Variants in MAPK6 observed in about 807,000 individuals in gnomAD.
MAPK6 encodes mitogen-activated protein kinase 6.
Under a neutral mutation model 59.3 loss-of-function variants are expected in MAPK6, and 19 were observed. That is an observed-to-expected ratio of 0.32 (90% CI 0.22 to 0.47). The LOEUF (loss-of-function observed/expected upper bound fraction) is 0.47. Among genes scored for constraint, MAPK6 ranks in the 20% least tolerant of loss-of-function variants. The pLI is 1.00. For synonymous variants in MAPK6, 316 were observed against 290.3 expected (o/e 1.09, Z -0.90); for missense variants, 724 against 847.9 (o/e 0.85, Z 1.81).
intron 1 of MAPK6, among the ~76,000 whole-genome samples, chr15:51,975,913 G>A (rs755553211): frequency 3.3e-5 from 5 of 151,790 alleles, no homozygotes; most frequent in African/African-American, 4.8e-5. Flanking sequence ...ACTGAATTAG[G>A]GTCCCACAAT....
chr15:52,058,573 T>C, intron 3 of MAPK6, 60 bp from the exon 4 acceptor site: 1 of 1,391,302 alleles, frequency 7.2e-7, no homozygotes, highest in Non-Finnish European at 9.7e-7. Flanking sequence ...GTTTAGTATG[T>C]TTATTGTGAA....
At chr15:51,983,157 T>C (rs536969397) in intron 1 of MAPK6, among the ~76,000 whole-genome samples, 1 of 152,170 alleles carries the variant, frequency 6.6e-6, no homozygotes, top group African/African-American at 2.4e-5. Flanking sequence ...CCCAGGGTCA[T>C]AAATTTCTAT....
rs2032345196 is a variant in MAPK6, at chr15:52,064,743, G to T, written c.1909G>T (p.Glu637Ter). 3 of 1,611,852 alleles carry T rather than the reference G, an allele frequency of 1.9e-6. No homozygotes were observed. The East Asian group carries it at 6.7e-5, about 36-fold the overall frequency. ...SYLDKFFSRK[E>*]DTEMLETEPV... is the part of the protein sequence containing the mutation. ...CTTGGACAAGTTCTTTAGCAGGAAA[G>T]AAGATACTGAAATGCTAGAAACTGA... The change falls in exon 6 of 6, where the codon GAA becomes TAA. Residue 637 changes from glutamate to a stop codon, truncating the protein, a stop_gained. Coordinates refer to ENST00000261845, the MANE Select transcript of MAPK6 (RefSeq NM_002748.4). LOFTEE classifies it high-confidence loss of function.
intron 1 of MAPK6, among the ~76,000 whole-genome samples, chr15:52,033,531 C>G (rs1001017140): frequency 6.6e-6 from 1 of 152,256 alleles, no homozygotes; most frequent in South Asian, 2.1e-4. Context: ...AGTGGTCTGT[C>G]GGGGGTTCTC....
intron 3 of MAPK6, among the ~76,000 whole-genome samples, chr15:52,055,776 A>G (rs1231414132): frequency 6.6e-6 from 1 of 152,108 alleles, no homozygotes; most frequent in Non-Finnish European, 1.5e-5. Context: ...CAGCCTTCCA[A>G]AGTGCTGGGA....
upstream of MAPK6, among the ~76,000 whole-genome samples, chr15:52,016,072 A>ACACACG (rs2030251659): frequency 1.6e-5 from 1 of 62,046 alleles, no homozygotes; most frequent in Non-Finnish European, 3.4e-5. Flanking sequence ...GCGCGCGCGC[A>ACACACG]CACACACACA....
At chr15:51,989,655 A>G (rs1478059219) in intron 2 of MAPK6, among the ~76,000 whole-genome samples, 3 of 152,158 alleles carry the variant, frequency 2.0e-5, no homozygotes, top group Non-Finnish European at 1.5e-5. Flanking sequence ...GCTGGAGTGC[A>G]ATGGGGCAAT....
intron 4 of MAPK6, among the ~76,000 whole-genome samples, chr15:52,059,014 A>G (rs2032093995): frequency 6.6e-6 from 1 of 152,192 alleles, no homozygotes; most frequent in East Asian, 1.9e-4. Flanking sequence ...ATCACTTTCC[A>G]GAGCAAGTAG....
intron 1 of MAPK6, among the ~76,000 whole-genome samples, chr15:52,019,665 C>T (rs1450544404): frequency 6.8e-6 from 1 of 147,182 alleles, no homozygotes; most frequent in Non-Finnish European, 1.5e-5. Flanking sequence ...GCGGCCAGCG[C>T]GCCCCTCCCA....
At chr15:52,018,893 C>T (rs1252312275), upstream of MAPK6, 1 of 152,500 alleles carries the variant, frequency 6.6e-6, no homozygotes, top group African/African-American at 2.4e-5. Flanking sequence ...GAGGCCTCTT[C>T]CTCTCGGATT....
chr15:52,040,760 C>T (rs922319932), intron 1 of MAPK6, among the ~76,000 whole-genome samples: 3 of 152,134 alleles, frequency 2.0e-5, no homozygotes, highest in African/African-American at 7.2e-5. Context: ...CTTGAGCAGA[C>T]AGTTGTGGCT....
rs368865611 is a variant in MAPK6, at chr15:52,063,842, G to T, written c.1068-60G>T. On this transcript the variant is annotated intron_variant, in intron 5 of 5. Transcript: ENST00000261845. ...CAGTGCTGTCACATAGAAGGTACTC[G>T]GTGAATTTGAAAATGAAATCATATA... is the stretch of plus-strand genomic sequence containing the variant. The T allele has an allele frequency of 2.8e-6, 4 of 1,428,416 alleles. No homozygotes were observed. The African/African-American group carries it at 4.3e-5, about 15-fold the overall frequency. 88.5% of individuals were successfully genotyped at this position (1,428,416 alleles called of 1,614,324 possible).
intron 1 of MAPK6, among the ~76,000 whole-genome samples, chr15:51,976,216 A>T (rs540374783): frequency 2.0e-5 from 3 of 148,554 alleles, no homozygotes; most frequent in African/African-American, 7.4e-5. Flanking sequence ...CAGTGAGCTG[A>T]GATCGTGCCA....
chr15:51,985,825 G>A (rs1476567191), intron 2 of MAPK6, among the ~76,000 whole-genome samples: 3 of 151,970 alleles, frequency 2.0e-5, no homozygotes. Context: ...CGGCATGGTG[G>A]TGGGCGCCTG....
At chr15:51,987,154 C>T (rs902519511) in intron 2 of MAPK6, among the ~76,000 whole-genome samples, 10 of 152,146 alleles carry the variant, frequency 6.6e-5, no homozygotes, top group African/African-American at 2.4e-4. Context: ...ATTTTGCATT[C>T]TAATTTTTAT....
At chr15:52,002,716 C>T (rs2057245845) in intron 2 of MAPK6, among the ~76,000 whole-genome samples, 1 of 152,128 alleles carries the variant, frequency 6.6e-6, no homozygotes, top group Non-Finnish European at 1.5e-5. Flanking sequence ...TAAAGAAATA[C>T]CTGAGACTGG....
upstream of MAPK6, among the ~76,000 whole-genome samples, chr15:52,016,364 G>C (rs1381949337): frequency 6.6e-6 from 1 of 151,348 alleles, no homozygotes; most frequent in African/African-American, 2.4e-5. Flanking sequence ...ACTCCAGCCT[G>C]GATGACAAGA....
At chr15:51,996,140 G>C (rs1158158626) in intron 2 of MAPK6, among the ~76,000 whole-genome samples, 1 of 152,144 alleles carries the variant, frequency 6.6e-6, no homozygotes, top group African/African-American at 2.4e-5. Context: ...AACAAGGCAA[G>C]GGAATAACAA....
chr15:51,988,625 G>C (rs577094681), intron 2 of MAPK6, among the ~76,000 whole-genome samples: 1 of 151,832 alleles, frequency 6.6e-6, no homozygotes, highest in Non-Finnish European at 1.5e-5. Flanking sequence ...CCAGCTACTC[G>C]GGAGGCTGAG....
Sources: gnomAD v4.1 joint callset for allele counts (sites outside exome capture counted in the v4.1 genomes callset) on GRCh38, gnomAD v4.1.1 for gene constraint, MANE v1.5 for transcripts, NCBI Gene and HGNC (gene_info 2026-07-23, HGNC 2026-07-21) for gene names.